The following ZFPM1 variants were observed in gnomAD, a reference collection of about 807,000 sequenced individuals.
ZFPM1 encodes the protein zinc finger protein, FOG family member 1, also known as zinc finger protein ZFPM1.
In ZFPM1, 28 loss-of-function variants were observed where a neutral mutation model predicts 46.3. The ratio of observed to expected loss-of-function variants is 0.60; its 90% CI spans 0.45 to 0.83. The LOEUF is 0.83. Among genes scored for constraint, ZFPM1 ranks in the 40% least tolerant of loss-of-function variants. The pLI is 0.00. For synonymous variants in ZFPM1, 957 were observed against 675.9 expected, an observed-to-expected ratio of 1.42 and a Z score of -6.45; for missense variants, 1,878 against 1,432.4, an observed-to-expected ratio of 1.31 and a Z score of -5.02.
chr16:88,490,837 G>C (rs1359265365), intron 3 of ZFPM1, among the ~76,000 whole-genome samples: 1 of 152,184 alleles, frequency 6.6e-6, no homozygotes, highest in Admixed American at 6.5e-5. Flanking sequence ...CCCCCAGGAA[G>C]GGGGACCGGG....
At chr16:88,506,761 G>A (rs11076614) in intron 3 of ZFPM1, among the ~76,000 whole-genome samples, 12,497 of 152,202 alleles carry the variant, frequency 0.082, 725 homozygotes, top group African/African-American at 0.15. Context: ...TCTGAGGGGC[G>A]CTGGGGGGAC....
chr16:88,466,766 A>G (rs538356337), intron 1 of ZFPM1, among the ~76,000 whole-genome samples: 2 of 152,148 alleles, frequency 1.3e-5, no homozygotes, highest in Non-Finnish European at 2.9e-5. Flanking sequence ...TGGGGTGTGT[A>G]TGTGGGGGAG....
chr16:88,518,838 G>T (rs1245143108), intron 4 of ZFPM1, among the ~76,000 whole-genome samples: 1 of 147,636 alleles, frequency 6.8e-6, no homozygotes. Flanking sequence ...ATGGACAGAT[G>T]TGTAGGTAGA....
chr16:88,499,143 C>G (rs1027706691), intron 3 of ZFPM1, among the ~76,000 whole-genome samples: 2 of 152,186 alleles, frequency 1.3e-5, no homozygotes, highest in Non-Finnish European at 2.9e-5. Context: ...ACCCTGGGGC[C>G]TGGCTGACCT....
Position 88,472,499 on chromosome 16 carries a change from G to A in ZFPM1, c.41-13440G>A, listed in dbSNP as rs182284187. Among the ~76,000 whole-genome samples the A allele has an allele frequency of 3.5e-3, 528 of 151,840 alleles. 2 individuals are homozygous for A. Among genetic ancestry groups the A allele is most frequent in the Non-Finnish European group, 5.1e-3 (345 of 67,910 alleles). ...CTCCTGAGTAGCTGGGACTATAGGC[G>A]CCTGCCACCACGCCCAGCTAATTTT... On this transcript the variant is annotated intron_variant, in intron 1 of 9. Transcript: ENST00000319555.
At chr16:88,530,770 C>G (rs921649386) in intron 6 of ZFPM1, among the ~76,000 whole-genome samples, 6 of 152,248 alleles carry the variant, frequency 3.9e-5, no homozygotes, top group Admixed American at 3.3e-4. Context: ...AGTGGCCTCC[C>G]AGGTCTGGGA....
In ZFPM1 at chr16:88,533,948, G is replaced by A. The variant is rs1399684151; in HGVS notation, c.1990G>A (p.Glu664Lys). The change falls in exon 10 of 10, where the codon GAG (glutamate) becomes AAG (lysine). Residue 664 changes from glutamate (E) to lysine (K), a missense_variant. Glu to Lys is a moderately conservative substitution (Grantham distance 56). Transcript: ENST00000319555. ...GGACGGCGCGGGCGGCCGGGGCAGC[G>A]AGGGCAGCCAGAGCCCGGGTAGCTC... is the stretch of plus-strand genomic sequence containing the variant. ...PEDGAGGRGS[E>K]GSQSPGSSVD... 5 of 1,281,626 alleles carry A rather than the reference G, an allele frequency of 3.9e-6. No homozygotes were observed. The highest frequency in any genetic ancestry group is 5.6e-5 in the Admixed American group (2 of 35,752). 79.4% of individuals were successfully genotyped at this position (1,281,626 alleles called of 1,614,324 possible).
intron 3 of ZFPM1, among the ~76,000 whole-genome samples, chr16:88,510,314 G>A (rs920205065): frequency 7.2e-5 from 11 of 152,138 alleles, no homozygotes; most frequent in Non-Finnish European, 1.5e-4. Context: ...AGACCCACCG[G>A]GCTCCCCTCA....
At chr16:88,454,351 T>G (rs1245056349) in intron 1 of ZFPM1, among the ~76,000 whole-genome samples, 3 of 152,114 alleles carry the variant, frequency 2.0e-5, no homozygotes, top group Admixed American at 2.0e-4. Context: ...GCTGAAGTCC[T>G]GAACCCAGGC....
Position 88,534,496 on chromosome 16 carries a change from C to G in ZFPM1, c.2538C>G (p.Pro846=). The change falls in exon 10 of 10, where the codon CCC becomes CCG. Residue 846 remains proline, a synonymous_variant. Coordinates refer to ENST00000319555, the MANE Select transcript of ZFPM1 (RefSeq NM_153813.3). ...ACTCGTGCCCCGCTGCGCCACCGCC[C>G]GGCGCGCTCGGCCTGCCCGCCGCCG... ...KKYSCPAAPP[P]GALGLPAAAC... is the part of the protein sequence containing the mutation. The G allele has an allele frequency of 6.8e-7, 1 of 1,463,658 alleles. No individual in the cohort carries two copies. Among genetic ancestry groups the G allele is most frequent in the Non-Finnish European group, 9.0e-7 (1 of 1,112,690 alleles). The allele number at this position is 1,463,658 out of a possible 1,614,324, so 90.7% of individuals were successfully genotyped here. A position where few individuals can be genotyped will look rare whatever the true frequency, so the allele number is the denominator to read the frequency against.
At position 88,534,400 on chromosome 16, in the gene ZFPM1, C is replaced by T. The variant is rs1192010927; in HGVS notation, c.2442C>T (p.Ala814=). 45 of 1,477,104 alleles carry T rather than the reference C, an allele frequency of 3.0e-5. No homozygotes were observed. Among genetic ancestry groups the T allele is most frequent in the Non-Finnish European group, 3.8e-5 (43 of 1,120,446 alleles). 91.5% of individuals were successfully genotyped at this position (1,477,104 alleles called of 1,614,324 possible). A position where few individuals can be genotyped will look rare whatever the true frequency, so the allele number is the denominator to read the frequency against. ...CCGGAGCCCCGGCACCGGCGCTGGC[C>T]GACTACCACGAGTGCACGGCCTGCC... is the stretch of plus-strand genomic sequence containing the variant. The part of the protein sequence containing the change: ...PLPGAPAPAL[A]DYHECTACRV... Residue 814 remains alanine (A), a synonymous_variant, in exon 10 of 10, where the codon GCC becomes GCT. Coordinates refer to ENST00000319555, the MANE Select transcript of ZFPM1 (RefSeq NM_153813.3).
chr16:88,501,449 A>C (rs1375359642), intron 3 of ZFPM1, among the ~76,000 whole-genome samples: 1 of 132,246 alleles, frequency 7.6e-6, no homozygotes, highest in African/African-American at 3.1e-5. Flanking sequence ...GCCATCCCGC[A>C]GGTGCTGGTG....
At chr16:88,520,428 T>C (rs576280878) in intron 4 of ZFPM1, among the ~76,000 whole-genome samples, 36 of 148,814 alleles carry the variant, frequency 2.4e-4, no homozygotes, top group East Asian at 1.2e-3. Flanking sequence ...AATGGGTGGA[T>C]AGATGGATGG....
rs1345351921 is a variant in ZFPM1, at chr16:88,528,015, C to T, written c.506-17C>T. The T allele has an allele frequency of 1.3e-6, 2 of 1,525,126 alleles. No homozygotes were observed. The highest frequency in any genetic ancestry group is 1.4e-5 in the African/African-American group (1 of 72,760). The allele number at this position is 1,525,126 out of a possible 1,614,324, so 94.5% of individuals were successfully genotyped here. Reference sequence around the variant, plus strand: ...TGGGGCACAAAGTCCTAGGTTTGGACACCTGTCTCCCTCCAGATGACGCAC... The same window carrying T: ...TGGGGCACAAAGTCCTAGGTTTGGATACCTGTCTCCCTCCAGATGACGCAC... On this transcript the variant is annotated splice_polypyrimidine_tract_variant and intron_variant, in intron 5 of 9. Transcript: ENST00000319555.
At position 88,533,346 on chromosome 16, in the gene ZFPM1, A is replaced by AGGTGGAGGC. The variant is rs1435907316; in HGVS notation, c.1397_1405dup (p.Ala466_Glu468dup). 1.3e-6 allele frequency: 2 copies of AGGTGGAGGC among 1,531,834 alleles called. No individual in the cohort carries two copies. Among genetic ancestry groups the AGGTGGAGGC allele is most frequent in the Middle Eastern group, 1.8e-4 (1 of 5,488 alleles). 94.9% of individuals were successfully genotyped at this position (1,531,834 alleles called of 1,614,324 possible). A position where few individuals can be genotyped will look rare whatever the true frequency, so the allele number is the denominator to read the frequency against. ...CCCCCGGCGGCCCCCAGGAGCATCA[A>AGGTGGAGGC]GGTGGAGGCGGTGGAGGAGCCGGAG... On this transcript the variant is annotated inframe_insertion, in exon 10 of 10. Transcript: ENST00000319555.
chr16:88,460,802 CTT>C (rs1907783220), intron 1 of ZFPM1, among the ~76,000 whole-genome samples: 2 of 152,288 alleles, frequency 1.3e-5, no homozygotes, highest in Non-Finnish European at 2.9e-5. Flanking sequence ...GAGGACCTGA[CTT>C]ATTCATGCCG....
intron 3 of ZFPM1, among the ~76,000 whole-genome samples, chr16:88,501,902 C>T (rs1008478580): frequency 6.6e-6 from 1 of 152,016 alleles, no homozygotes; most frequent in Non-Finnish European, 1.5e-5. Flanking sequence ...GCTCCTGGGC[C>T]GATGAGCAAA....
intron 4 of ZFPM1, among the ~76,000 whole-genome samples, chr16:88,520,801 A>G (rs1434230764): frequency 7.5e-5 from 5 of 67,096 alleles, no homozygotes; most frequent in African/African-American, 3.1e-4. Context: ...GAATAGATGG[A>G]TGGGTGGGTG....
chr16:88,506,939 G>A (rs17700789), intron 3 of ZFPM1, among the ~76,000 whole-genome samples: 1 of 152,292 alleles, frequency 6.6e-6, no homozygotes, highest in South Asian at 2.1e-4. Context: ...ATGTCACGTT[G>A]TTCCTTCCAT....
Sources: gnomAD v4.1 joint callset for allele counts (sites outside exome capture counted in the v4.1 genomes callset) on GRCh38, gnomAD v4.1.1 for gene constraint, MANE v1.5 for transcripts, NCBI Gene and HGNC (gene_info 2026-07-23, HGNC 2026-07-21) for gene names.